SGCD: variants seen among roughly 807,000 people sequenced by gnomAD.
SGCD encodes the protein sarcoglycan delta, also known as delta-sarcoglycan.
A neutral mutation model predicts 36.6 loss-of-function variants in SGCD; 18 were observed. The observed-to-expected ratio is 0.49, with a 90% CI of 0.34 to 0.73. The LOEUF (loss-of-function observed/expected upper bound fraction) is 0.73. Among genes scored for constraint, SGCD ranks in the 30% least tolerant of loss-of-function variants. SGCD has a pLI of 0.01. For synonymous variants in SGCD, 133 were observed against 130.6 expected, an observed-to-expected ratio of 1.02 and a Z score of -0.12; for missense variants, 387 against 346.7, an observed-to-expected ratio of 1.12 and a Z score of -0.92.
chr5:156,697,440 A>G (rs967504028), intron 7 of SGCD, among the ~76,000 whole-genome samples: 7 of 152,014 alleles, frequency 4.6e-5, no homozygotes, highest in Non-Finnish European at 8.8e-5. Context: ...AACCCTCCCT[A>G]GTTCACTCCT....
Position 156,595,010 on chromosome 5 carries a change from A to G in SGCD, c.461A>G (p.Asn154Ser), listed in dbSNP as rs759767804. The G allele has an allele frequency of 4.3e-6, 7 of 1,612,374 alleles. No homozygotes were observed. The highest frequency in any genetic ancestry group is 3.3e-5 in the South Asian group (3 of 90,948). ...VSGKLLFSAD[N>S]NEVVVGAERL... ...GGAAAATTGCTCTTCTCTGCAGACA[A>G]TAATGAAGTGGTAGTAGGAGCTGAA... The change falls in exon 6 of 9, where the codon AAT (asparagine) becomes AGT (serine). Residue 154 changes from asparagine (N) to serine (S), a missense_variant. By Grantham distance (46) the Asn-to-Ser change is conservative. Coordinates refer to ENST00000337851, the MANE Select transcript of SGCD (RefSeq NM_000337.6).
At chr5:155,931,690 G>A (rs1419116521) in intron 1 of SGCD, among the ~76,000 whole-genome samples, 1 of 152,164 alleles carries the variant, frequency 6.6e-6, no homozygotes. Flanking sequence ...AATTAAGTCT[G>A]GAAGTATGTT....
intron 3 of SGCD, among the ~76,000 whole-genome samples, chr5:156,303,387 T>C (rs772845606): frequency 6.6e-6 from 1 of 152,074 alleles, no homozygotes; most frequent in Non-Finnish European, 1.5e-5. Context: ...GGTTCACCTG[T>C]AACCAAGGGT....
At chr5:156,675,216 C>T (rs570210756) in intron 7 of SGCD, among the ~76,000 whole-genome samples, 90 of 152,266 alleles carry the variant, frequency 5.9e-4, no homozygotes, top group African/African-American at 2.1e-3. Flanking sequence ...CAGCACCAAC[C>T]TCAGAACAAA....
At chr5:156,271,725 A>G (rs1252742494) in intron 3 of SGCD, among the ~76,000 whole-genome samples, 1 of 152,096 alleles carries the variant, frequency 6.6e-6, no homozygotes, top group Non-Finnish European at 1.5e-5. Context: ...TCATGATCCA[A>G]GGGACATGTC....
chr5:156,109,431 A>T (rs1242729072), intron 1 of SGCD, among the ~76,000 whole-genome samples: 1 of 151,916 alleles, frequency 6.6e-6, no homozygotes, highest in African/African-American at 2.4e-5. Flanking sequence ...AGAAGTCTTT[A>T]TTTTCCCTCA....
At chr5:156,562,560 G>C (rs1359831139) in intron 4 of SGCD, among the ~76,000 whole-genome samples, 1 of 152,114 alleles carries the variant, frequency 6.6e-6, no homozygotes, top group African/African-American at 2.4e-5. Flanking sequence ...GAAGGTGTTA[G>C]TTTTCACTCT....
the SGCD span, among the ~76,000 whole-genome samples, chr5:155,826,201 A>C: frequency 2.6e-5 from 4 of 152,140 alleles, no homozygotes; most frequent in African/African-American, 9.7e-5. Context: ...CTGCTATCCT[A>C]TGTCTGTCAC....
intron 6 of SGCD, among the ~76,000 whole-genome samples, chr5:156,631,198 T>A (rs1259737031): frequency 6.6e-6 from 1 of 152,228 alleles, no homozygotes; most frequent in Non-Finnish European, 1.5e-5. Context: ...TGGTAATTCA[T>A]CTTTATTTCC....
chr5:156,002,742 C>T (rs1238382589), intron 1 of SGCD, among the ~76,000 whole-genome samples: 3 of 152,328 alleles, frequency 2.0e-5, no homozygotes, highest in Admixed American at 6.5e-5. Flanking sequence ...GACTCTGATT[C>T]GATGGGTCTA....
intron 3 of SGCD, among the ~76,000 whole-genome samples, chr5:156,286,929 T>G (rs1218898791): frequency 3.9e-5 from 6 of 152,176 alleles, no homozygotes; most frequent in Non-Finnish European, 8.8e-5. Flanking sequence ...GATCTCTTTT[T>G]TATCCTCCAT....
At chr5:156,269,594 G>T (rs769099157) in intron 3 of SGCD, among the ~76,000 whole-genome samples, 10 of 150,684 alleles carry the variant, frequency 6.6e-5, no homozygotes, top group Admixed American at 2.7e-4. Context: ...CCTCCCACTG[G>T]GTCCCTCCCA....
intron 6 of SGCD, among the ~76,000 whole-genome samples, chr5:156,617,111 T>C (rs770661594): frequency 1.3e-5 from 2 of 152,248 alleles, no homozygotes; most frequent in Admixed American, 6.5e-5. Context: ...AGCTTTATGA[T>C]AGCAGGAAGT....
At chr5:156,748,644 A>C (rs903281271) in intron 7 of SGCD, among the ~76,000 whole-genome samples, 5 of 152,226 alleles carry the variant, frequency 3.3e-5, no homozygotes, top group African/African-American at 1.2e-4. Context: ...AAAACAGATA[A>C]AAATAGATAT....
chr5:156,463,370 CT>C (rs964151447), intron 3 of SGCD, among the ~76,000 whole-genome samples: 3 of 152,104 alleles, frequency 2.0e-5, no homozygotes, highest in African/African-American at 7.2e-5. Context: ...AAGGTGTTGA[CT>C]TTTCCCAAAG....
chr5:155,843,195 T>C, the SGCD span, among the ~76,000 whole-genome samples: 1 of 152,192 alleles, frequency 6.6e-6, no homozygotes, highest in Non-Finnish European at 1.5e-5. Context: ...AATTGACCTT[T>C]AAAAACACAT....
intron 1 of SGCD, among the ~76,000 whole-genome samples, chr5:155,942,146 A>G (rs1394842515): frequency 2.6e-5 from 4 of 152,204 alleles, no homozygotes; most frequent in Non-Finnish European, 5.9e-5. Flanking sequence ...ACACATATAC[A>G]TGAACAGACA....
chr5:156,533,592 A>G (rs372599597), intron 4 of SGCD, among the ~76,000 whole-genome samples: 64 of 152,334 alleles, frequency 4.2e-4, no homozygotes, highest in African/African-American at 1.4e-3. Flanking sequence ...AAAGACATGG[A>G]CTTTCTTATC....
At chr5:156,497,833 T>G (rs906142710) in intron 3 of SGCD, among the ~76,000 whole-genome samples, 6 of 152,162 alleles carry the variant, frequency 3.9e-5, no homozygotes, top group African/African-American at 1.4e-4. Flanking sequence ...ACCCAGACAC[T>G]GATGGGGTCA....
Sources: gnomAD v4.1 joint callset for allele counts (sites outside exome capture counted in the v4.1 genomes callset) on GRCh38, gnomAD v4.1.1 for gene constraint, MANE v1.5 for transcripts, NCBI Gene and HGNC (gene_info 2026-07-23, HGNC 2026-07-21) for gene names.